The following COBL variants were observed in gnomAD, a reference collection of about 807,000 sequenced individuals.
COBL encodes the protein cordon-bleu WH2 repeat protein, also known as protein cordon-bleu.
A neutral mutation model predicts 98.8 loss-of-function variants in COBL; 51 were observed. That is an observed-to-expected ratio of 0.52 (90% CI 0.41 to 0.65). The LOEUF (loss-of-function observed/expected upper bound fraction) is 0.65. Ranked by LOEUF, COBL falls within the 30% of genes least tolerant of loss-of-function variation. The pLI is 0.00. For synonymous variants in COBL, 634 were observed against 651.7 expected (o/e 0.97, Z 0.41); for missense variants, 1,617 against 1,617.5 (o/e 1.00, Z 0.01).
chr7:51,307,323 T>A (rs56069057), intron 1 of COBL, among the ~76,000 whole-genome samples: 9 of 151,888 alleles, frequency 5.9e-5, no homozygotes. Flanking sequence ...CACTCCAGCC[T>A]GGGTGCCAGA....
intron 1 of COBL, among the ~76,000 whole-genome samples, chr7:51,227,568 A>G (rs1003363437): frequency 2.6e-5 from 4 of 152,166 alleles, no homozygotes; most frequent in African/African-American, 9.7e-5. Flanking sequence ...CAGGAGCTAG[A>G]AAAGATCCCA....
At position 51,316,697 on chromosome 7, in the gene COBL, G is replaced by A. The variant is rs1803648053; in HGVS notation, c.-64C>T. 5 of 1,106,954 alleles carry A rather than the reference G, an allele frequency of 4.5e-6. No individual in the cohort carries two copies. The African/African-American group carries it at 4.9e-5, about 11-fold the overall frequency. The allele number at this position is 1,106,954 out of a possible 1,614,324, so 68.6% of individuals were successfully genotyped here. A position where few individuals can be genotyped will look rare whatever the true frequency, so the allele number is the denominator to read the frequency against. On this transcript the variant is annotated 5_prime_UTR_variant, in exon 1 of 13. Transcript: ENST00000265136. ...GCCGAGTCAGGCGCTGGCTACCGCCGCCACCGCTGCCGCCCTCATTCACTT... is the reference window on the plus strand; with the variant it reads ...GCCGAGTCAGGCGCTGGCTACCGCCACCACCGCTGCCGCCCTCATTCACTT...
chr7:51,146,740 C>G (rs1324825503), intron 5 of COBL, among the ~76,000 whole-genome samples: 1 of 152,102 alleles, frequency 6.6e-6, no homozygotes, highest in African/African-American at 2.4e-5. Context: ...TGCATTTTCT[C>G]ATATAAAGGC....
At chr7:51,213,064 T>A (rs112359669) in intron 2 of COBL, among the ~76,000 whole-genome samples, 1 of 152,330 alleles carries the variant, frequency 6.6e-6, no homozygotes, top group Non-Finnish European at 1.5e-5. Flanking sequence ...AACTGTCAAA[T>A]CTTAAACTGG....
At chr7:51,191,128 G>A (rs1790079760) in intron 3 of COBL, 50 bp from the exon 4 acceptor site, 3 of 1,513,176 alleles carry the variant, frequency 2.0e-6, no homozygotes, top group Non-Finnish European at 2.7e-6. Context: ...CCTCCCACAA[G>A]CCTTCAACTC....
chr7:51,026,475 C>A (rs1787565573), intron 11 of COBL, 71 bp downstream of exon 11: 3 of 1,579,270 alleles, frequency 1.9e-6, no homozygotes, highest in South Asian at 2.3e-5. Context: ...GCAGCCACCA[C>A]CCAAGTGCCT....
Position 51,085,291 on chromosome 7 carries a change from G to A in COBL, c.971C>T (p.Ser324Leu). Residue 324 changes from serine (S) to leucine (L), a missense_variant, in exon 7 of 13, where the codon TCA becomes TTA. Coordinates refer to ENST00000265136, the MANE Select transcript of COBL (RefSeq NM_015198.5). The stretch of plus-strand genomic sequence containing the variant: ...CTTCTTCTTCTGTAAATCAATCTGT[G>A]ACCCAAGAGATACCTATGAAGTACA... Reference protein sequence around the residue: ...DKASEKVSLGSQIDLQKKKRR... With the variant: ...DKASEKVSLGLQIDLQKKKRR... 6.2e-7 allele frequency: 1 copy of A among 1,610,800 alleles called. No homozygotes were observed. The highest frequency in any genetic ancestry group is 8.5e-7 in the Non-Finnish European group (1 of 1,179,108).
chr7:51,302,016 C>A (rs1199228607), intron 1 of COBL, among the ~76,000 whole-genome samples: 1 of 152,194 alleles, frequency 6.6e-6, no homozygotes, highest in East Asian at 1.9e-4. Context: ...CCCTGGTTGG[C>A]TCTGACAGGT....
chr7:51,142,427 A>G (rs1583939388), intron 5 of COBL, among the ~76,000 whole-genome samples: 1 of 127,578 alleles, frequency 7.8e-6, no homozygotes, highest in Non-Finnish European at 1.6e-5. Flanking sequence ...TCTGTCACCC[A>G]GGCCGGAGTG....
intron 6 of COBL, among the ~76,000 whole-genome samples, chr7:51,097,552 A>G (rs1250688967): frequency 6.6e-6 from 1 of 152,202 alleles, no homozygotes; most frequent in African/African-American, 2.4e-5. Context: ...AGAAAATCCT[A>G]AAGATTTGAC....
At chr7:51,299,979 C>T (rs971625136) in intron 1 of COBL, among the ~76,000 whole-genome samples, 1 of 152,194 alleles carries the variant, frequency 6.6e-6, no homozygotes, top group African/African-American at 2.4e-5. Flanking sequence ...GACCAGTCCA[C>T]GGACCACACC....
chr7:51,309,927 G>C (rs1802853125), intron 1 of COBL, among the ~76,000 whole-genome samples: 1 of 152,166 alleles, frequency 6.6e-6, no homozygotes, highest in South Asian at 2.1e-4. Flanking sequence ...AAGGCCTCCT[G>C]GGGGAGCCCC....
chr7:51,234,892 C>CA (rs1396673428), intron 1 of COBL, among the ~76,000 whole-genome samples: 1 of 151,552 alleles, frequency 6.6e-6, no homozygotes, highest in African/African-American at 2.4e-5. Context: ...AAGAGAGAGA[C>CA]AGAGAGAAAG....
chr7:51,127,212 G>A (rs1356920261), intron 6 of COBL, among the ~76,000 whole-genome samples: 3 of 152,194 alleles, frequency 2.0e-5, no homozygotes, highest in African/African-American at 7.2e-5. Context: ...ATGGGTGGCT[G>A]CTACAAAGAC....
At chr7:51,242,072 C>A (rs4948209) in intron 1 of COBL, among the ~76,000 whole-genome samples, 42,241 of 152,134 alleles carry the variant, frequency 0.28, 7,462 homozygotes, top group East Asian at 0.66. Flanking sequence ...GGTCTCAGGC[C>A]AAGTCTTCAT....
intron 8 of COBL, among the ~76,000 whole-genome samples, chr7:51,041,667 A>G (rs1224962924): frequency 1.3e-5 from 2 of 151,760 alleles, no homozygotes. Flanking sequence ...TATTTTTAGT[A>G]GAGATGAGGT....
At chr7:51,261,949 A>G (rs1797760790) in intron 1 of COBL, among the ~76,000 whole-genome samples, 1 of 152,170 alleles carries the variant, frequency 6.6e-6, no homozygotes, top group East Asian at 1.9e-4. Context: ...ACTCCATCTC[A>G]AAACAAAAAA....
chr7:51,077,454 G>T (rs1207452116), intron 7 of COBL, among the ~76,000 whole-genome samples: 1 of 152,156 alleles, frequency 6.6e-6, no homozygotes, highest in Non-Finnish European at 1.5e-5. Context: ...TGGACAGCCT[G>T]GATCAGGCAA....
intron 1 of COBL, among the ~76,000 whole-genome samples, chr7:51,250,974 A>G (rs1796683282): frequency 6.6e-6 from 1 of 152,238 alleles, no homozygotes; most frequent in Non-Finnish European, 1.5e-5. Context: ...ATTACTTGTT[A>G]TATTTTATGG....
Sources: allele counts gnomAD v4.1 joint callset (sites outside exome capture counted in the v4.1 genomes callset), GRCh38; gene constraint gnomAD v4.1.1; transcripts MANE v1.5; gene names NCBI Gene and HGNC (gene_info 2026-07-23, HGNC 2026-07-21).